The following HS6ST3 variants were observed in gnomAD, a reference collection of about 807,000 sequenced individuals.
HS6ST3 encodes heparan-sulfate 6-O-sulfotransferase 3.
In HS6ST3, 12 loss-of-function variants were observed where a neutral mutation model predicts 36.7. The ratio of observed to expected loss-of-function variants is 0.33; its 90% CI spans 0.21 to 0.53. The LOEUF (loss-of-function observed/expected upper bound fraction) is 0.53, where lower values mean the gene tolerates loss of function less well. Ranked by LOEUF, HS6ST3 falls within the 20% of genes least tolerant of loss-of-function variation. The probability of loss-of-function intolerance (pLI) is 0.95; values close to 1 mark genes in which losing one functional copy is unlikely to be tolerated. For synonymous variants in HS6ST3, 240 were observed against 257.5 expected (o/e 0.93, Z 0.65); for missense variants, 584 against 640.9 (o/e 0.91, Z 0.96).
intron 1 of HS6ST3, among the ~76,000 whole-genome samples, chr13:96,623,294 C>T (rs72642801): frequency 6.6e-6 from 1 of 152,088 alleles, no homozygotes; most frequent in Non-Finnish European, 1.5e-5. Context: ...CGTTGATTTA[C>T]CCAGACTCTA....
chr13:96,410,336 G>T (rs1022925110), intron 1 of HS6ST3, among the ~76,000 whole-genome samples: 9 of 151,826 alleles, frequency 5.9e-5, no homozygotes. Context: ...ATTAAAATAG[G>T]CAGAGGAAAT....
intron 1 of HS6ST3, among the ~76,000 whole-genome samples, chr13:96,758,319 T>G (rs1352763354): frequency 2.0e-5 from 3 of 151,956 alleles, no homozygotes; most frequent in African/African-American, 7.2e-5. Context: ...TTTCCATGAT[T>G]GATGCTGCTA....
At chr13:96,549,510 T>C (rs1485826228) in intron 1 of HS6ST3, among the ~76,000 whole-genome samples, 3 of 152,206 alleles carry the variant, frequency 2.0e-5, no homozygotes, top group South Asian at 4.1e-4. Flanking sequence ...TAAATTGTTT[T>C]TCTAGAAGTA....
Position 96,313,104 on chromosome 13 carries a change from G to A in HS6ST3, c.707+221535G>A, listed in dbSNP as rs187843265. On this transcript the variant is annotated intron_variant, in intron 1 of 1. Transcript: ENST00000376705. ...AAATAGTGGTATCATCTTCCTTTTG[G>A]GTAGTGTTTGCCTGTAGACTATTTC... 5.2e-4 allele frequency among the ~76,000 whole-genome samples: 79 copies of A among 151,880 alleles called. 1 individual carries two copies. Among genetic ancestry groups the A allele is most frequent in the South Asian group, 1.2e-3 (6 of 4,808 alleles).
intron 1 of HS6ST3, among the ~76,000 whole-genome samples, chr13:96,121,515 A>G (rs1355459405): frequency 6.6e-6 from 1 of 152,226 alleles, no homozygotes. Context: ...TGATGCTATC[A>G]AACAATGGAG....
intron 1 of HS6ST3, among the ~76,000 whole-genome samples, chr13:96,773,334 G>A (rs918573600): frequency 6.6e-6 from 1 of 152,196 alleles, no homozygotes; most frequent in Non-Finnish European, 1.5e-5. Flanking sequence ...TCACTCCACT[G>A]GAAAGGGGGC....
chr13:96,640,275 T>G (rs1171085790), intron 1 of HS6ST3, among the ~76,000 whole-genome samples: 2 of 152,064 alleles, frequency 1.3e-5, no homozygotes, highest in African/African-American at 2.4e-5. Context: ...TGGTGTGAGA[T>G]AGTATCTTCT....
At chr13:96,102,841 T>C (rs2053824394) in intron 1 of HS6ST3, among the ~76,000 whole-genome samples, 1 of 152,210 alleles carries the variant, frequency 6.6e-6, no homozygotes, top group South Asian at 2.1e-4. Context: ...CAAGTTAACT[T>C]ACTAGTGAGT....
At chr13:96,459,732 C>G (rs2055773343) in intron 1 of HS6ST3, among the ~76,000 whole-genome samples, 1 of 152,146 alleles carries the variant, frequency 6.6e-6, no homozygotes, top group African/African-American at 2.4e-5. Context: ...GCTACAGCTC[C>G]ATCCCAAGAA....
At chr13:96,652,582 T>A (rs1223695671) in intron 1 of HS6ST3, among the ~76,000 whole-genome samples, 1 of 152,164 alleles carries the variant, frequency 6.6e-6, no homozygotes, top group East Asian at 1.9e-4. Context: ...TGCTGAATTG[T>A]TGATATACAG....
intron 1 of HS6ST3, among the ~76,000 whole-genome samples, chr13:96,353,852 G>C (rs746052811): frequency 2.6e-5 from 4 of 152,072 alleles, no homozygotes; most frequent in African/African-American, 9.7e-5. Context: ...ACTCAGCTTC[G>C]CATTTAAATA....
At chr13:96,272,233 A>C (rs1289048570) in intron 1 of HS6ST3, among the ~76,000 whole-genome samples, 1 of 152,068 alleles carries the variant, frequency 6.6e-6, no homozygotes, top group Non-Finnish European at 1.5e-5. Context: ...ATATTTCTGC[A>C]TAATAACAAT....
Position 96,469,865 on chromosome 13 carries a change from T to TA in HS6ST3, c.708-362624dup, listed in dbSNP as rs2138889608. ...TGGGAAACGTGACTGGTACAACACT[T>TA]ACAAAAATTTCTGTGCTCTGGTCAT... On this transcript the variant is annotated intron_variant, in intron 1 of 1. Coordinates refer to ENST00000376705, the MANE Select transcript of HS6ST3 (RefSeq NM_153456.4). 1.3e-5 allele frequency among the ~76,000 whole-genome samples: 2 copies of TA among 152,284 alleles called. 1 individual carries two copies. The highest frequency in any genetic ancestry group is 1.3e-4 in the Admixed American group (2 of 15,286).
intron 1 of HS6ST3, among the ~76,000 whole-genome samples, chr13:96,791,350 G>A (rs749857368): frequency 1.3e-5 from 2 of 151,954 alleles, no homozygotes; most frequent in African/African-American, 2.4e-5. Flanking sequence ...TACCTATTAG[G>A]TATAGGGTGA....
At chr13:96,514,951 A>C (rs969595875) in intron 1 of HS6ST3, among the ~76,000 whole-genome samples, 1 of 152,238 alleles carries the variant, frequency 6.6e-6, no homozygotes, top group East Asian at 1.9e-4. Context: ...AGTAATTTCT[A>C]ATAAAAACTT....
chr13:96,396,793 G>T (rs545631128), intron 1 of HS6ST3, among the ~76,000 whole-genome samples: 1 of 152,160 alleles, frequency 6.6e-6, no homozygotes, highest in Non-Finnish European at 1.5e-5. Flanking sequence ...CAATGCAGCA[G>T]TTACAAATGG....
intron 1 of HS6ST3, among the ~76,000 whole-genome samples, chr13:96,695,998 A>G (rs181327639): frequency 1.7e-4 from 26 of 152,336 alleles, no homozygotes; most frequent in Admixed American, 3.3e-4. Context: ...GCAGTAAAGA[A>G]CACTACATAG....
intron 1 of HS6ST3, among the ~76,000 whole-genome samples, chr13:96,365,310 A>T (rs2055257781): frequency 6.6e-6 from 1 of 152,050 alleles, no homozygotes; most frequent in Non-Finnish European, 1.5e-5. Flanking sequence ...CATTGTGGGG[A>T]TTCTGGGTGT....
chr13:96,813,474 T>C (rs1421542261), intron 1 of HS6ST3, among the ~76,000 whole-genome samples: 4 of 152,198 alleles, frequency 2.6e-5, no homozygotes, highest in South Asian at 4.1e-4. Flanking sequence ...GCCTCTGATA[T>C]GTAGGAGCCC....
Sources: allele counts gnomAD v4.1 joint callset (sites outside exome capture counted in the v4.1 genomes callset), GRCh38; gene constraint gnomAD v4.1.1; transcripts MANE v1.5; gene names NCBI Gene and HGNC (gene_info 2026-07-23, HGNC 2026-07-21).